MYT1L: variants seen among roughly 807,000 people sequenced by gnomAD.
The protein encoded by MYT1L is myelin transcription factor 1 like.
Under a neutral mutation model 126.7 loss-of-function variants are expected in MYT1L, and 12 were observed. That is an observed-to-expected ratio of 0.09 (90% CI 0.06 to 0.15). MYT1L has a LOEUF of 0.15. Ranked by LOEUF, MYT1L falls within the 10% of genes least tolerant of loss-of-function variation. The probability of loss-of-function intolerance (pLI) is 1.00; values close to 1 mark genes in which losing one functional copy is unlikely to be tolerated. For synonymous variants in MYT1L, 541 were observed against 604.2 expected, an observed-to-expected ratio of 0.90 and a Z score of 1.53; for missense variants, 979 against 1,585.2, an observed-to-expected ratio of 0.62 and a Z score of 6.49.
chr2:2,131,903 TC>T (rs1490956682), intron 3 of MYT1L, among the ~76,000 whole-genome samples: 1 of 139,588 alleles, frequency 7.2e-6, no homozygotes, highest in Non-Finnish European at 1.5e-5. Context: ...AGAGAGTTCA[TC>T]CTTTTTTTTT....
intron 1 of MYT1L, among the ~76,000 whole-genome samples, chr2:2,319,947 G>A (rs77042045): frequency 0.028 from 4,292 of 152,038 alleles, 83 homozygotes; most frequent in Non-Finnish European, 0.044. Context: ...TGACCTTAAG[G>A]GGTCTCGCCT....
chr2:2,206,831 C>A (rs559092493), intron 2 of MYT1L, among the ~76,000 whole-genome samples: 1 of 152,270 alleles, frequency 6.6e-6, no homozygotes, highest in East Asian at 1.9e-4. Context: ...TATTTAGAGC[C>A]ACGTTTTTCA....
intron 2 of MYT1L, among the ~76,000 whole-genome samples, chr2:2,198,089 A>AGAAG (rs1278938024): frequency 6.6e-6 from 1 of 152,166 alleles, no homozygotes; most frequent in Non-Finnish European, 1.5e-5. Flanking sequence ...CAATAAAAAA[A>AGAAG]GAAGGAAATT....
intron 3 of MYT1L, among the ~76,000 whole-genome samples, chr2:2,120,186 T>C (rs1032431477): frequency 6.6e-6 from 1 of 152,156 alleles, no homozygotes; most frequent in South Asian, 2.1e-4. Context: ...TCAGCTGAGT[T>C]TTCTATGAGG....
At chr2:2,190,292 A>G (rs531034232) in intron 2 of MYT1L, among the ~76,000 whole-genome samples, 1 of 152,200 alleles carries the variant, frequency 6.6e-6, no homozygotes, top group Admixed American at 6.5e-5. Flanking sequence ...CCCTGTCTCT[A>G]CAAAAAATAC....
chr2:2,009,975 T>C (rs1053800047), intron 4 of MYT1L, among the ~76,000 whole-genome samples: 4 of 151,142 alleles, frequency 2.6e-5, no homozygotes, highest in African/African-American at 7.3e-5. Flanking sequence ...GAGATGATCA[T>C]GGGGTTTTAA....
chr2:1,831,280 C>G (rs2040155651), intron 21 of MYT1L, among the ~76,000 whole-genome samples: 1 of 145,378 alleles, frequency 6.9e-6, no homozygotes, highest in Non-Finnish European at 1.6e-5. Flanking sequence ...CCACATTTGT[C>G]CAGCTTGTCT....
At chr2:2,080,194 T>C (rs530824586) in intron 3 of MYT1L, among the ~76,000 whole-genome samples, 1 of 152,292 alleles carries the variant, frequency 6.6e-6, no homozygotes, top group South Asian at 2.1e-4. Flanking sequence ...GGCCTAAATG[T>C]AGAAGTTAAA....
chr2:2,098,348 T>C (rs1372373722), intron 3 of MYT1L, among the ~76,000 whole-genome samples: 2 of 152,252 alleles, frequency 1.3e-5, no homozygotes, highest in Non-Finnish European at 1.5e-5. Flanking sequence ...AATAAGATCA[T>C]GTGGAGATTA....
chr2:1,827,211 C>G (rs2148222414), intron 21 of MYT1L: 1 of 152,478 alleles, frequency 6.6e-6, no homozygotes, highest in African/African-American at 2.4e-5. Context: ...TTCGTAGGAG[C>G]TGGGGCACGG....
At chr2:1,802,254 G>C (rs191442246) in intron 22 of MYT1L, among the ~76,000 whole-genome samples, 1 of 152,160 alleles carries the variant, frequency 6.6e-6, no homozygotes, top group African/African-American at 2.4e-5. Flanking sequence ...AACAAGGCCA[G>C]GTCCTCCCGC....
intron 3 of MYT1L, among the ~76,000 whole-genome samples, chr2:2,148,400 G>A (rs1001262531): frequency 6.6e-6 from 1 of 152,172 alleles, no homozygotes; most frequent in African/African-American, 2.4e-5. Flanking sequence ...GATGCCACCT[G>A]CTGATCTGAT....
intron 8 of MYT1L, among the ~76,000 whole-genome samples, chr2:1,958,456 T>A (rs1404320179): frequency 6.6e-6 from 1 of 151,980 alleles, no homozygotes; most frequent in Non-Finnish European, 1.5e-5. Flanking sequence ...CCAGATAGGG[T>A]TGCTTTATCA....
At chr2:1,985,056 C>T (rs928586095) in intron 5 of MYT1L, among the ~76,000 whole-genome samples, 5 of 152,166 alleles carry the variant, frequency 3.3e-5, no homozygotes, top group African/African-American at 7.2e-5. Context: ...GGGGCTTGGA[C>T]TGCAGGCTGG....
intron 2 of MYT1L, among the ~76,000 whole-genome samples, chr2:2,245,777 A>C (rs768361999): frequency 2.0e-5 from 3 of 152,086 alleles, no homozygotes; most frequent in Admixed American, 6.5e-5. Flanking sequence ...GCTGTTAATC[A>C]TCCTCCTCCA....
chr2:2,149,200 T>C (rs1221200372), intron 3 of MYT1L, among the ~76,000 whole-genome samples: 3 of 152,164 alleles, frequency 2.0e-5, no homozygotes, highest in Non-Finnish European at 2.9e-5. Context: ...CAATAACATA[T>C]AAAAATCATG....
intron 2 of MYT1L, among the ~76,000 whole-genome samples, chr2:2,203,465 A>G (rs79432242): frequency 0.16 from 23,888 of 148,060 alleles, 2,106 homozygotes; most frequent in African/African-American, 0.24. Context: ...CTCTACATCA[A>G]TAAGAGACAA....
chr2:2,229,064 A>G (rs1176667022), intron 2 of MYT1L, among the ~76,000 whole-genome samples: 1 of 151,946 alleles, frequency 6.6e-6, no homozygotes, highest in African/African-American at 2.4e-5. Flanking sequence ...CAAATGTATC[A>G]CTCTGTGTAT....
intron 23 of MYT1L, among the ~76,000 whole-genome samples, chr2:1,798,712 C>T (rs1317396483): frequency 6.6e-6 from 1 of 152,172 alleles, no homozygotes; most frequent in Non-Finnish European, 1.5e-5. Flanking sequence ...CTGAGAGGCA[C>T]GGGAAAGTCA....
Sources: gnomAD v4.1 joint callset for allele counts (sites outside exome capture counted in the v4.1 genomes callset) on GRCh38, gnomAD v4.1.1 for gene constraint, MANE v1.5 for transcripts, NCBI Gene and HGNC (gene_info 2026-07-23, HGNC 2026-07-21) for gene names.